Variants in CADM2 observed in about 807,000 individuals in gnomAD.
The protein encoded by CADM2 is cell adhesion molecule 2.
In CADM2, 12 loss-of-function variants were observed where a neutral mutation model predicts 49.8. The ratio of observed to expected loss-of-function variants is 0.24; its 90% CI spans 0.15 to 0.39. The LOEUF is 0.39. Among genes scored for constraint, CADM2 ranks in the 10% least tolerant of loss-of-function variants. The pLI is 1.00. For synonymous variants in CADM2, 214 were observed against 175.4 expected, an observed-to-expected ratio of 1.22 and a Z score of -1.74; for missense variants, 378 against 492.3, an observed-to-expected ratio of 0.77 and a Z score of 2.20.
chr3:85,015,243 G>A lies in CADM2; in HGVS notation c.61+55575G>A, dbSNP rs780519342. On this transcript the variant is annotated intron_variant, in intron 1 of 9. Transcript: ENST00000383699. ...GCCAGAAAAAAATGTTTAGAAGTTA[G>A]TTTCTATTGTTAAACTGCCCATTGG... Among the ~76,000 whole-genome samples, 175 of 152,066 alleles carry A rather than the reference G, an allele frequency of 1.2e-3. 4 individuals carry two copies. The highest frequency in any genetic ancestry group is 4.3e-4 in the Non-Finnish European group (29 of 68,004).
intron 1 of CADM2, among the ~76,000 whole-genome samples, chr3:85,434,399 CT>C (rs2036831781): frequency 6.6e-6 from 1 of 151,792 alleles, no homozygotes; most frequent in Admixed American, 6.6e-5. Context: ...TTATGATTAT[CT>C]TTGAAAAATT....
chr3:85,945,156 G>A (rs142148034), intron 7 of CADM2, among the ~76,000 whole-genome samples: 8,212 of 152,024 alleles, frequency 0.054, 357 homozygotes, highest in South Asian at 0.11. Context: ...ACACCTCTAC[G>A]CAAATAAATT....
rs1349017549 is a variant in CADM2 at position 86,072,809 on chromosome 3, C to G, written c.*6026C>G. 1 of 151,974 alleles carries G rather than the reference C, an allele frequency of 6.6e-6. No individual in the cohort carries two copies. The highest frequency in any genetic ancestry group is 1.5e-5 in the Non-Finnish European group (1 of 67,948). The allele number at this position is 151,974 out of a possible 1,614,324, so 9.4% of individuals were successfully genotyped here. A position where few individuals can be genotyped will look rare whatever the true frequency, so the allele number is the denominator to read the frequency against. On this transcript the variant is annotated 3_prime_UTR_variant, in exon 10 of 10. Transcript: ENST00000383699. The stretch of plus-strand genomic sequence containing the variant: ...GTAAACTGAATTGTTATATCTCTAT[C>G]CTTTTTGCTTTTCTCTGTGTTTTTA...
chr3:85,451,880 A>G (rs1427972557), intron 1 of CADM2, among the ~76,000 whole-genome samples: 4 of 152,082 alleles, frequency 2.6e-5, no homozygotes, highest in Non-Finnish European at 5.9e-5. Flanking sequence ...TGTGAAATGG[A>G]TGATATGGAA....
chr3:85,626,873 T>C (rs1176550832), intron 1 of CADM2, among the ~76,000 whole-genome samples: 1 of 151,966 alleles, frequency 6.6e-6, no homozygotes, highest in Admixed American at 6.6e-5. Context: ...CTTCAATCAA[T>C]GAGGGGAGAA....
intron 8 of CADM2, among the ~76,000 whole-genome samples, chr3:86,046,318 C>A (rs1010346803): frequency 6.6e-6 from 1 of 151,984 alleles, no homozygotes; most frequent in Non-Finnish European, 1.5e-5. Flanking sequence ...TTTAAAAACA[C>A]GTAGTATCTA....
At chr3:86,013,580 A>T (rs1731819903) in intron 8 of CADM2, 20 of 1,601,652 alleles carry the variant, frequency 1.2e-5, no homozygotes, top group Non-Finnish European at 1.7e-5. Context: ...GCTGTATTCG[A>T]GAAGAAACTC....
chr3:85,592,811 C>T (rs60048765), intron 1 of CADM2, among the ~76,000 whole-genome samples: 6,494 of 151,778 alleles, frequency 0.043, 464 homozygotes, highest in African/African-American at 0.15. Flanking sequence ...CCCACCAACG[C>T]GTCATCTACA....
intron 1 of CADM2, among the ~76,000 whole-genome samples, chr3:85,614,233 T>A (rs1021012253): frequency 7.0e-6 from 1 of 142,072 alleles, no homozygotes; most frequent in South Asian, 2.1e-4. Context: ...AGAAGTATAA[T>A]TGTGCATTAA....
intron 2 of CADM2, among the ~76,000 whole-genome samples, chr3:85,798,649 C>T (rs2071780668): frequency 6.6e-6 from 1 of 152,126 alleles, no homozygotes; most frequent in South Asian, 2.1e-4. Context: ...GGTGCCAGTA[C>T]CATGCTGTTT....
intron 1 of CADM2, among the ~76,000 whole-genome samples, chr3:85,572,922 T>C (rs890462366): frequency 2.0e-5 from 3 of 152,136 alleles, no homozygotes; most frequent in African/African-American, 7.2e-5. Flanking sequence ...AAAGTAATAC[T>C]TTACTAGCTT....
At chr3:85,853,176 A>G (rs996844589) in intron 3 of CADM2, among the ~76,000 whole-genome samples, 6 of 151,930 alleles carry the variant, frequency 3.9e-5, no homozygotes, top group Admixed American at 3.9e-4. Context: ...GAAGTTCTAG[A>G]TGACTGAGCA....
At chr3:85,235,578 A>T (rs2042390277) in intron 1 of CADM2, among the ~76,000 whole-genome samples, 1 of 152,018 alleles carries the variant, frequency 6.6e-6, no homozygotes, top group Admixed American at 6.6e-5. Context: ...ATTTACAAAG[A>T]TATGTATAGA....
chr3:85,118,110 G>GT (rs200828494), intron 1 of CADM2, among the ~76,000 whole-genome samples: 1,942 of 149,972 alleles, frequency 0.013, 37 homozygotes, highest in African/African-American at 0.043. Flanking sequence ...TACATAAAGG[G>GT]TTTTTTTTTC....
intron 1 of CADM2, among the ~76,000 whole-genome samples, chr3:85,198,909 T>C (rs2041414573): frequency 6.6e-6 from 1 of 151,924 alleles, no homozygotes; most frequent in Non-Finnish European, 1.5e-5. Context: ...CAGTCTCTTA[T>C]TGTTCTGGAC....
intron 1 of CADM2, among the ~76,000 whole-genome samples, chr3:85,304,472 C>G (rs868852546): frequency 6.6e-6 from 1 of 151,602 alleles, no homozygotes; most frequent in African/African-American, 2.4e-5. Flanking sequence ...CTGACACTGC[C>G]AGCTCCACTT....
chr3:85,741,412 C>CT (rs2068379602), intron 2 of CADM2, among the ~76,000 whole-genome samples: 1 of 152,056 alleles, frequency 6.6e-6, no homozygotes, highest in Non-Finnish European at 1.5e-5. Context: ...GCTCACGTCT[C>CT]TATTCCCAGC....
At chr3:85,493,970 G>A (rs2039782231) in intron 1 of CADM2, among the ~76,000 whole-genome samples, 1 of 152,108 alleles carries the variant, frequency 6.6e-6, no homozygotes, top group African/African-American at 2.4e-5. Flanking sequence ...AAATGTGACA[G>A]CACAACAGCA....
chr3:85,815,935 T>G (rs1006220903), intron 3 of CADM2, among the ~76,000 whole-genome samples: 3 of 152,126 alleles, frequency 2.0e-5, no homozygotes, highest in Non-Finnish European at 2.9e-5. Flanking sequence ...TTAAAGTAAA[T>G]TTCAAAATAG....
Sources: gnomAD v4.1 joint callset for allele counts (sites outside exome capture counted in the v4.1 genomes callset) on GRCh38, gnomAD v4.1.1 for gene constraint, MANE v1.5 for transcripts, NCBI Gene and HGNC (gene_info 2026-07-23, HGNC 2026-07-21) for gene names.